Variants in IL4R observed in about 807,000 individuals in gnomAD.
IL4R encodes interleukin-4 receptor subunit alpha.
Under a neutral mutation model 41.5 loss-of-function variants are expected in IL4R, and 17 were observed. The ratio of observed to expected loss-of-function variants is 0.41; its 90% confidence interval spans 0.28 to 0.61. The LOEUF is 0.61. Among genes scored for constraint, IL4R ranks in the 20% least tolerant of loss-of-function variants. The probability of loss-of-function intolerance (pLI) is 0.31; values close to 1 mark genes in which losing one functional copy is unlikely to be tolerated. For missense variants in IL4R, 974 were observed against 1,043.1 expected, an observed-to-expected ratio of 0.93 and a Z score of 0.91; for synonymous variants, 402 against 422.9, an observed-to-expected ratio of 0.95 and a Z score of 0.61.
rs2085561106 is a variant in IL4R, at chr16:27,344,516, G to A, written c.210-353G>A. Among the ~76,000 whole-genome samples, 3 of 152,266 alleles carry A rather than the reference G, an allele frequency of 2.0e-5. No individual in the cohort carries two copies. In the South Asian group the frequency reaches 6.2e-4, roughly 32 times the overall value. ...GGAACATTGGAATTATCTTACGATG[G>A]CCAAACTGTGCGATGCAGAGCTTAT... On this transcript the variant is annotated intron_variant, in intron 4 of 10. Coordinates refer to ENST00000395762, the MANE Select transcript of IL4R (RefSeq NM_000418.4).
chr16:27,340,234 C>T lies in IL4R; in HGVS notation c.31C>T (p.Pro11Ser). 2 of 1,613,990 alleles carry T rather than the reference C, an allele frequency of 1.2e-6. No homozygotes were observed. The highest frequency in any genetic ancestry group is 8.5e-7 in the Non-Finnish European group (1 of 1,179,980). ...GTGGCTTTGCTCTGGGCTCCTGTTC[C>T]CTGTGAGCTGCCTGGTCCTGCTGCA... MGWLCSGLLF[P>S]VSCLVLLQVA... is the part of the protein sequence containing the mutation. The change falls in exon 3 of 11, where the codon CCT becomes TCT. Residue 11 changes from proline (P) to serine (S), a missense_variant. Transcript: ENST00000395762.
At chr16:27,316,129 G>GT (rs1176059679) in intron 1 of IL4R, among the ~76,000 whole-genome samples, 1 of 152,176 alleles carries the variant, frequency 6.6e-6, no homozygotes, top group East Asian at 1.9e-4. Flanking sequence ...CAGCACTTTG[G>GT]GAGGCTGAGA....
At chr16:27,318,763 AGGAAG>A (rs2084721325) in intron 1 of IL4R, 1 of 152,146 alleles carries the variant, frequency 6.6e-6, no homozygotes, top group Admixed American at 6.6e-5. Context: ...CTGGAGTTGG[AGGAAG>A]TGGGTCCCGG....
At chr16:27,356,619 C>T (rs1465241701) in intron 8 of IL4R, among the ~76,000 whole-genome samples, 3 of 152,066 alleles carry the variant, frequency 2.0e-5, no homozygotes, top group African/African-American at 7.2e-5. Context: ...CAGGGATAAG[C>T]AAGATGGAGT....
chr16:27,335,080 C>T (rs2085222666), intron 2 of IL4R, among the ~76,000 whole-genome samples: 1 of 152,010 alleles, frequency 6.6e-6, no homozygotes, highest in African/African-American at 2.4e-5. Context: ...TAGACTGGCC[C>T]TTGGTGTACA....
chr16:27,326,385 A>G (rs920626321), intron 1 of IL4R, among the ~76,000 whole-genome samples: 3 of 152,204 alleles, frequency 2.0e-5, no homozygotes, highest in Admixed American at 1.3e-4. Flanking sequence ...TCATGCCTGT[A>G]GCATGTTGGA....
intron 1 of IL4R, among the ~76,000 whole-genome samples, chr16:27,329,373 T>C (rs541471568): frequency 1.1e-4 from 17 of 152,248 alleles, no homozygotes; most frequent in Admixed American, 2.0e-4. Flanking sequence ...TCTGTCTTTT[T>C]CTTATGGCAT....
intron 2 of IL4R, among the ~76,000 whole-genome samples, chr16:27,335,499 T>C (rs2085237775): frequency 6.6e-6 from 1 of 152,036 alleles, no homozygotes; most frequent in African/African-American, 2.4e-5. Context: ...TCCCAAGAAG[T>C]TGGGATTACA....
intron 10 of IL4R, 37 bp from the exon 11 acceptor site, chr16:27,362,215 G>T (rs369926314): frequency 3.8e-5 from 61 of 1,596,918 alleles, no homozygotes; most frequent in Non-Finnish European, 5.1e-6. Context: ...TTTTTCAAGT[G>T]TCGAAACTGA....
chr16:27,355,298 A>G, intron 7 of IL4R: 1 of 301,172 alleles, frequency 3.3e-6, no homozygotes, highest in Non-Finnish European at 6.8e-6. Flanking sequence ...TGACGATGAA[A>G]GTGAACAAGG....
At chr16:27,329,445 G>A (rs2085052359) in intron 1 of IL4R, among the ~76,000 whole-genome samples, 2 of 152,234 alleles carry the variant, frequency 1.3e-5, no homozygotes, top group African/African-American at 4.8e-5. Context: ...GGAGGCCAAG[G>A]CGGGTGGATC....
chr16:27,340,160 C>G (rs1484190566), intron 2 of IL4R, 26 bp from the exon 3 acceptor site: 1 of 1,548,964 alleles, frequency 6.5e-7, no homozygotes, highest in Admixed American at 1.7e-5. Flanking sequence ...CAGGTCAGCA[C>G]TAACCTGCTT....
intron 4 of IL4R, among the ~76,000 whole-genome samples, 155 bp downstream of exon 4, chr16:27,342,414 G>A (rs1281506744): frequency 6.6e-6 from 1 of 152,108 alleles, no homozygotes; most frequent in African/African-American, 2.4e-5. Flanking sequence ...CATCTCCAGG[G>A]ACATGTTATG....
rs1567340037 is a variant in IL4R, at chr16:27,363,039, G to A, written c.1687G>A (p.Ala563Thr). 1.2e-6 allele frequency: 2 copies of A among 1,614,140 alleles called. No individual in the cohort carries two copies. The highest frequency in any genetic ancestry group is 1.7e-6 in the Non-Finnish European group (2 of 1,180,030). The change falls in exon 11 of 11, where the codon GCA becomes ACA. Residue 563 changes from alanine to threonine, a missense_variant. Transcript: ENST00000395762. ...CCGCCGAAATGTCCTCCAGCATGGGGCAGCTGCAGCCCCCGTCTCGGCCCC... is the reference window on the plus strand; with the variant it reads ...CCGCCGAAATGTCCTCCAGCATGGGACAGCTGCAGCCCCCGTCTCGGCCCC... ...ILRRNVLQHG[A>T]AAAPVSAPTS...
At chr16:27,335,988 C>T (rs2085248857) in intron 2 of IL4R, among the ~76,000 whole-genome samples, 1 of 152,066 alleles carries the variant, frequency 6.6e-6, no homozygotes, top group South Asian at 2.1e-4. Context: ...GTTTTTCTGA[C>T]ATGCACACTG....
intron 1 of IL4R, among the ~76,000 whole-genome samples, chr16:27,323,699 A>G (rs1208386034): frequency 1.3e-5 from 2 of 151,760 alleles, no homozygotes; most frequent in Non-Finnish European, 2.9e-5. Flanking sequence ...TCTGTTGCCC[A>G]GGCTGGAGTG....
At chr16:27,342,393 AG>A (rs2085472389) in intron 4 of IL4R, 134 bp downstream of exon 4, 1 of 1,088,446 alleles carries the variant, frequency 9.2e-7, no homozygotes, top group Non-Finnish European at 1.3e-6. Flanking sequence ...ATGGTGTTAG[AG>A]GGGAGGTCCC....
intron 7 of IL4R, chr16:27,355,474 T>A (rs2086031473): frequency 3.0e-6 from 1 of 333,940 alleles, no homozygotes; most frequent in Non-Finnish European, 5.8e-6. Context: ...ACAGAGAAGA[T>A]AAGGGACTTG....
In IL4R at chr16:27,359,046, T is replaced by A. The variant is rs764873984; in HGVS notation, c.849+52T>A. The A allele has an allele frequency of 4.2e-6, 6 of 1,412,072 alleles. No individual in the cohort carries two copies. In the East Asian group the frequency reaches 9.2e-5, roughly 22 times the overall value. 87.5% of individuals were successfully genotyped at this position (1,412,072 alleles called of 1,614,324 possible). A position where few individuals can be genotyped will look rare whatever the true frequency, so the allele number is the denominator to read the frequency against. ...GTGGGACTGTGTACATGAAGAAGTG[T>A]GGTTCAGAACACCTGGGCTGTTAAG... is the stretch of plus-strand genomic sequence containing the variant. On this transcript the variant is annotated intron_variant, in intron 9 of 10. Coordinates refer to ENST00000395762, the MANE Select transcript of IL4R (RefSeq NM_000418.4).
Sources: gnomAD v4.1 joint callset for allele counts (sites outside exome capture counted in the v4.1 genomes callset) on GRCh38, gnomAD v4.1.1 for gene constraint, MANE v1.5 for transcripts, NCBI Gene and HGNC (gene_info 2026-07-23, HGNC 2026-07-21) for gene names.